The following PCBP3 variants were observed in gnomAD, a reference collection of about 807,000 sequenced individuals.
The protein encoded by PCBP3 is poly(rC)-binding protein 3.
In PCBP3, 25 loss-of-function variants were observed where a neutral mutation model predicts 52.7. The observed-to-expected ratio is 0.47, with a 90% CI of 0.35 to 0.66. The LOEUF is 0.66. Ranked by LOEUF, PCBP3 falls within the 30% of genes least tolerant of loss-of-function variation. PCBP3 has a pLI of 0.01. For synonymous variants in PCBP3, 162 were observed against 183.0 expected, an observed-to-expected ratio of 0.89 and a Z score of 0.93; for missense variants, 391 against 490.3, an observed-to-expected ratio of 0.80 and a Z score of 1.91.
At chr21:45,776,657 A>G (rs1438267779) in intron 4 of PCBP3, among the ~76,000 whole-genome samples, 1 of 152,034 alleles carries the variant, frequency 6.6e-6, no homozygotes, top group Non-Finnish European at 1.5e-5. Flanking sequence ...CTTAAAGTCT[A>G]TTTTATCTGA....
intron 2 of PCBP3, among the ~76,000 whole-genome samples, chr21:45,715,530 T>C (rs1396472860): frequency 6.6e-6 from 1 of 152,192 alleles, no homozygotes; most frequent in Admixed American, 6.5e-5. Flanking sequence ...ATTCTTTCCT[T>C]CCCTGAGAAA....
intron 4 of PCBP3, among the ~76,000 whole-genome samples, chr21:45,789,113 A>G (rs1188511648): frequency 6.6e-6 from 1 of 152,208 alleles, no homozygotes. Flanking sequence ...AGAAAATGAG[A>G]TGGCATGCTC....
At chr21:45,892,473 G>T (rs2065335) in intron 5 of PCBP3, among the ~76,000 whole-genome samples, 3 of 45,132 alleles carry the variant, frequency 6.6e-5, no homozygotes, top group African/African-American at 3.4e-4. Context: ...CGGGGCGTGG[G>T]GGGGGGGGCG....
At position 45,931,716 on chromosome 21, in the gene PCBP3, C is replaced by CA. The variant is rs2076202163; in HGVS notation, c.856+874dup. Among the ~76,000 whole-genome samples the CA allele has an allele frequency of 1.5e-5, 2 of 134,444 alleles. 1 individual carries two copies. The highest frequency in any genetic ancestry group is 4.6e-4 in the South Asian group (2 of 4,388). The allele number at this position is 134,444 out of a possible 152,430, so 88.2% of individuals were successfully genotyped here. ...GTCGGCCATGCTGTCCTGAGATGAA[C>CA]AAACACGTCGGCCGTGCCGTCCTGA... On this transcript the variant is annotated intron_variant, in intron 15 of 17. Coordinates refer to ENST00000681687, the MANE Select transcript of PCBP3 (RefSeq NM_001384156.1).
intron 2 of PCBP3, among the ~76,000 whole-genome samples, chr21:45,689,676 T>C (rs1453156324): frequency 6.6e-6 from 1 of 152,122 alleles, no homozygotes; most frequent in Non-Finnish European, 1.5e-5. Context: ...CTAATAACTT[T>C]AGCTAAATTG....
chr21:45,859,328 C>A (rs535150527), intron 5 of PCBP3, among the ~76,000 whole-genome samples: 1 of 13,048 alleles, frequency 7.7e-5, no homozygotes, highest in Non-Finnish European at 1.4e-4. Context: ...AGGTGGCCAG[C>A]GAGTCAGGGT....
At chr21:45,650,228 C>G (rs1463239551) in intron 1 of PCBP3, among the ~76,000 whole-genome samples, 1 of 151,766 alleles carries the variant, frequency 6.6e-6, no homozygotes, top group Admixed American at 6.6e-5. Flanking sequence ...GTCCTAGCTA[C>G]TTGGGGGACT....
At position 45,928,607 on chromosome 21, in the gene PCBP3, G is replaced by A. The variant is rs1162842107; in HGVS notation, c.718-1310G>A. On this transcript the variant is annotated intron_variant, in intron 13 of 17. Coordinates refer to ENST00000681687, the MANE Select transcript of PCBP3 (RefSeq NM_001384156.1). The surrounding 1 kb of genome is among the most constrained non-coding windows in gnomAD (Gnocchi z 4.1). The stretch of plus-strand genomic sequence containing the variant: ...GAACCCAGGTGCCAGGGGTGGCCAG[G>A]GCAAGCATGGGGGTCTGGTCAGGTG... Among the ~76,000 whole-genome samples, 1 of 152,128 alleles carries A rather than the reference G, an allele frequency of 6.6e-6. No individual in the cohort carries two copies. The highest frequency in any genetic ancestry group is 1.5e-5 in the Non-Finnish European group (1 of 68,004).
intron 4 of PCBP3, among the ~76,000 whole-genome samples, chr21:45,844,318 G>A (rs1456705635): frequency 2.0e-5 from 3 of 152,072 alleles, no homozygotes; most frequent in Non-Finnish European, 4.4e-5. Context: ...GGTGGGAGGT[G>A]CCCCAGCACC....
intron 4 of PCBP3, among the ~76,000 whole-genome samples, chr21:45,794,352 G>A (rs1800688938): frequency 6.6e-6 from 1 of 152,110 alleles, no homozygotes; most frequent in Non-Finnish European, 1.5e-5. Context: ...GGAGTTTGGG[G>A]CTATAGCAAG....
At chr21:45,815,672 GA>G (rs1378843365) in intron 4 of PCBP3, among the ~76,000 whole-genome samples, 31 of 38,578 alleles carry the variant, frequency 8.0e-4, no homozygotes, top group East Asian at 1.1e-3. Flanking sequence ...GGTGAGTGAT[GA>G]GTGAGTGGTG....
intron 5 of PCBP3, among the ~76,000 whole-genome samples, chr21:45,877,807 AT>A (rs776325411): frequency 6.6e-6 from 1 of 151,378 alleles, no homozygotes; most frequent in African/African-American, 2.4e-5. Context: ...AAAAAAAAAA[AT>A]TAAATGAGGC....
At chr21:45,811,517 C>T (rs1185097050) in intron 4 of PCBP3, among the ~76,000 whole-genome samples, 1 of 152,280 alleles carries the variant, frequency 6.6e-6, no homozygotes, top group Non-Finnish European at 1.5e-5. Context: ...CTGTGACCTT[C>T]ATCACATCTG....
chr21:45,809,707 C>G (rs66991496), intron 4 of PCBP3, among the ~76,000 whole-genome samples: 28,814 of 152,212 alleles, frequency 0.19, 2,909 homozygotes, highest in Middle Eastern at 0.33. Context: ...CGGGTCGGGG[C>G]AAGGCCCTCT....
At chr21:45,931,593 G>A (rs950892065) in intron 15 of PCBP3, among the ~76,000 whole-genome samples, 1 of 148,866 alleles carries the variant, frequency 6.7e-6, no homozygotes, top group African/African-American at 2.6e-5. Flanking sequence ...CCTGGTACCT[G>A]GAATGTCGTC....
chr21:45,745,180 G>C (rs1603369577), intron 3 of PCBP3, among the ~76,000 whole-genome samples: 1 of 152,320 alleles, frequency 6.6e-6, no homozygotes, highest in East Asian at 1.9e-4. Flanking sequence ...GGAGCAGACA[G>C]ACTTCTGTGT....
At chr21:45,828,620 C>G (rs1010861033) in intron 4 of PCBP3, 3 of 152,474 alleles carry the variant, frequency 2.0e-5, no homozygotes, top group African/African-American at 4.8e-5. Flanking sequence ...TTCCTGTATC[C>G]TCTGGAGCAG....
rs537322263 is a variant in PCBP3 at position 45,734,970 on chromosome 21, A to G, written c.-199-422A>G. The stretch of plus-strand genomic sequence containing the variant: ...AGGGAGAACCCTTGGCCTGTGGTCC[A>G]GGTGAAGGCCCTTCAGGGTGGAGCC... On this transcript the variant is annotated intron_variant, in intron 2 of 17. Coordinates refer to ENST00000681687, the MANE Select transcript of PCBP3 (RefSeq NM_001384156.1). Among the ~76,000 whole-genome samples the G allele has an allele frequency of 6.7e-4, 102 of 152,336 alleles. 1 individual carries two copies. The highest frequency in any genetic ancestry group is 2.4e-3 in the African/African-American group (100 of 41,584).
rs1242191146 is a variant in PCBP3, at chr21:45,877,804, AAAATT to A, written c.11-18399_11-18395del. ...GAGTGAAACTCCGTCTTAAAAAAAA[AAAATT>A]AAATGAGGCTTTGATTCTGGTCAAA... is the stretch of plus-strand genomic sequence containing the variant. On this transcript the variant is annotated intron_variant, in intron 5 of 17. Coordinates refer to ENST00000681687, the MANE Select transcript of PCBP3 (RefSeq NM_001384156.1). 3.9e-5 allele frequency among the ~76,000 whole-genome samples: 6 copies of A among 152,354 alleles called. No individual in the cohort carries two copies. In the South Asian group the frequency reaches 1.2e-3, roughly 32 times the overall value.
Sources: allele counts gnomAD v4.1 joint callset (sites outside exome capture counted in the v4.1 genomes callset), GRCh38; gene constraint gnomAD v4.1.1; non-coding constraint Gnocchi (gnomAD v3.1); transcripts MANE v1.5; gene names NCBI Gene and HGNC (gene_info 2026-07-23, HGNC 2026-07-21).